GPHN: variants seen among roughly 807,000 people sequenced by gnomAD.
The protein encoded by GPHN is gephyrin.
A neutral mutation model predicts 95.5 loss-of-function variants in GPHN; 17 were observed. The ratio of observed to expected loss-of-function variants is 0.18; its 90% CI spans 0.12 to 0.27. GPHN has a LOEUF of 0.27. Ranked by LOEUF, GPHN falls within the 10% of genes least tolerant of loss-of-function variation. The pLI is 1.00. For missense variants in GPHN, 660 were observed against 978.1 expected (o/e 0.67, Z 4.34); for synonymous variants, 320 against 322.5 (o/e 0.99, Z 0.08).
chr14:67,328,088 C>T, the GPHN span, among the ~76,000 whole-genome samples: 328 of 152,310 alleles, frequency 2.2e-3, 1 homozygote, highest in Non-Finnish European at 3.7e-3. Context: ...AACTAGTTTA[C>T]GGTCCCACCA....
rs148952107 is a variant in GPHN, at chr14:66,994,913, T to C, written c.964-28720T>C. Reference sequence around the variant, plus strand: ...ATTTCATCAGTTCAGTTTTTTAAGATAGAAGAAAAAGGGTTTGTATATTCA... The same window carrying C: ...ATTTCATCAGTTCAGTTTTTTAAGACAGAAGAAAAAGGGTTTGTATATTCA... On this transcript the variant is annotated intron_variant, in intron 9 of 22. Transcript: ENST00000478722. 4.2e-3 allele frequency among the ~76,000 whole-genome samples: 639 copies of C among 152,290 alleles called. 4 individuals are homozygous for C. The highest frequency in any genetic ancestry group is 0.014 in the African/African-American group (597 of 41,566).
chr14:67,672,940 A>G, the GPHN span, among the ~76,000 whole-genome samples: 30 of 152,302 alleles, frequency 2.0e-4, no homozygotes, highest in African/African-American at 7.2e-4. Context: ...TCTTCGCTGA[A>G]CACACCAAGC....
the GPHN span, among the ~76,000 whole-genome samples, chr14:67,556,888 A>T: frequency 6.6e-6 from 1 of 152,112 alleles, no homozygotes; most frequent in Non-Finnish European, 1.5e-5. Flanking sequence ...TGAACAGTAA[A>T]TATCTCTACC....
chr14:67,132,886 TTTAA>T, intron 17 of GPHN, among the ~76,000 whole-genome samples: 1 of 151,466 alleles, frequency 6.6e-6, no homozygotes, highest in Middle Eastern at 3.5e-3. Context: ...ATTTTTTCAT[TTTAA>T]TTAATGTATT....
chr14:66,882,944 G>A (rs912102423), intron 5 of GPHN, among the ~76,000 whole-genome samples: 2 of 150,888 alleles, frequency 1.3e-5, no homozygotes, highest in Non-Finnish European at 3.0e-5. Flanking sequence ...TCAAATTGCT[G>A]TTTCCTTATG....
At chr14:66,805,346 G>GT (rs1384421932) in intron 3 of GPHN, among the ~76,000 whole-genome samples, 3 of 152,108 alleles carry the variant, frequency 2.0e-5, no homozygotes, top group African/African-American at 7.2e-5. Flanking sequence ...TGAAATTTGG[G>GT]TGGGGATACA....
At chr14:67,730,595 A>G in the GPHN span, among the ~76,000 whole-genome samples, 7 of 152,280 alleles carry the variant, frequency 4.6e-5, no homozygotes, top group South Asian at 2.1e-4. Flanking sequence ...AATCCTAAAT[A>G]CTTCTGATCC....
chr14:67,510,280 T>A, the GPHN span, among the ~76,000 whole-genome samples: 1 of 152,238 alleles, frequency 6.6e-6, no homozygotes, highest in Non-Finnish European at 1.5e-5. Flanking sequence ...GAATTAAGTC[T>A]CAGAGGGCTG....
chr14:67,693,947 A>G, the GPHN span, among the ~76,000 whole-genome samples: 1 of 152,128 alleles, frequency 6.6e-6, no homozygotes, highest in Non-Finnish European at 1.5e-5. Context: ...CACCAAGCCC[A>G]GCCTAGAGTG....
chr14:66,956,982 G>T (rs1266051129), intron 8 of GPHN, among the ~76,000 whole-genome samples: 1 of 104,364 alleles, frequency 9.6e-6, no homozygotes, highest in Admixed American at 1.2e-4. Context: ...GGGGAGGGGG[G>T]AGGGATAGCA....
At chr14:67,633,954 G>A in the GPHN span, among the ~76,000 whole-genome samples, 2 of 152,122 alleles carry the variant, frequency 1.3e-5, no homozygotes, top group Admixed American at 6.5e-5. Flanking sequence ...TGTACATCTG[G>A]TTCATAGCAA....
chr14:66,920,272 T>G (rs1319619933), intron 6 of GPHN, among the ~76,000 whole-genome samples: 1 of 152,160 alleles, frequency 6.6e-6, no homozygotes, highest in African/African-American at 2.4e-5. Context: ...AATGTGTGTA[T>G]GTGAGTATGT....
At chr14:66,548,455 A>G (rs1377226644) in intron 1 of GPHN, among the ~76,000 whole-genome samples, 4 of 152,214 alleles carry the variant, frequency 2.6e-5, no homozygotes, top group African/African-American at 9.6e-5. Flanking sequence ...TGCTGGGATT[A>G]CAGGCGTGAG....
the GPHN span, among the ~76,000 whole-genome samples, chr14:67,529,001 C>T: frequency 6.6e-6 from 1 of 152,176 alleles, no homozygotes; most frequent in Admixed American, 6.5e-5. Flanking sequence ...TTCCATGCTG[C>T]TCCTCCTGGG....
At chr14:67,068,962 G>A (rs1352511468) in intron 11 of GPHN, among the ~76,000 whole-genome samples, 2 of 152,008 alleles carry the variant, frequency 1.3e-5, no homozygotes, top group African/African-American at 4.8e-5. Context: ...AGGTCATACT[G>A]GGAGTTCATT....
chr14:66,618,598 A>G (rs1163799507), intron 1 of GPHN, among the ~76,000 whole-genome samples: 2 of 152,110 alleles, frequency 1.3e-5, no homozygotes, highest in Non-Finnish European at 1.5e-5. Context: ...GTCAGGGTCT[A>G]TACTTCTGTT....
intron 1 of GPHN, among the ~76,000 whole-genome samples, chr14:66,528,596 G>C (rs2058784908): frequency 6.6e-6 from 1 of 152,202 alleles, no homozygotes; most frequent in South Asian, 2.1e-4. Flanking sequence ...TGCAGTGGCT[G>C]GTACTGGTTG....
the GPHN span, chr14:67,352,993 C>T: frequency 1.5e-5 from 24 of 1,613,884 alleles, no homozygotes; most frequent in African/African-American, 6.7e-5. Context: ...CAGGAGGTTT[C>T]GACCTGTCTG....
At chr14:67,178,225 C>A (rs900535863) in intron 21 of GPHN, among the ~76,000 whole-genome samples, 1 of 152,140 alleles carries the variant, frequency 6.6e-6, no homozygotes, top group Non-Finnish European at 1.5e-5. Flanking sequence ...ATGTTTAGTG[C>A]TTCCTTCAGG....
Sources: gnomAD v4.1 joint callset for allele counts (sites outside exome capture counted in the v4.1 genomes callset) on GRCh38, gnomAD v4.1.1 for gene constraint, MANE v1.5 for transcripts, NCBI Gene and HGNC (gene_info 2026-07-23, HGNC 2026-07-21) for gene names.